SATB2: variants seen among roughly 807,000 people sequenced by gnomAD.
The protein encoded by SATB2 is DNA-binding protein SATB2.
SATB2 carries 1 observed loss-of-function variant against 73.4 expected under a neutral mutation model. The observed-to-expected ratio is 0.01, with a 90% CI of 0.00 to 0.06. The LOEUF (loss-of-function observed/expected upper bound fraction) is 0.06. SATB2 is among the 10% of genes least tolerant of loss of function. SATB2 has a pLI of 1.00. For synonymous variants in SATB2, 397 were observed against 367.0 expected (o/e 1.08, Z -0.93); for missense variants, 459 against 945.8 (o/e 0.49, Z 6.75).
chr2:199,293,083 A>T (rs1692920314), intron 10 of SATB2, among the ~76,000 whole-genome samples: 1 of 152,200 alleles, frequency 6.6e-6, no homozygotes, highest in Non-Finnish European at 1.5e-5. Context: ...AGGGTTAAGA[A>T]AAGAGAATAT....
At chr2:199,310,019 A>G (rs1295085831) in intron 9 of SATB2, among the ~76,000 whole-genome samples, 1 of 152,046 alleles carries the variant, frequency 6.6e-6, no homozygotes, top group Non-Finnish European at 1.5e-5. Context: ...CTTTACCCCA[A>G]AAAAGGCAAG....
chr2:199,406,816 G>A (rs1475083602), intron 3 of SATB2, among the ~76,000 whole-genome samples: 1 of 152,034 alleles, frequency 6.6e-6, no homozygotes, highest in Non-Finnish European at 1.5e-5. Flanking sequence ...TCATGTTAGG[G>A]GAGATGATTT....
At chr2:199,378,068 G>A (rs753829018) in intron 5 of SATB2, among the ~76,000 whole-genome samples, 11 of 152,208 alleles carry the variant, frequency 7.2e-5, no homozygotes, top group Admixed American at 5.2e-4. Flanking sequence ...ACGAGGCCCT[G>A]AGAAGTGAAC....
intron 4 of SATB2, 75 bp downstream of exon 4, chr2:199,381,619 T>C: frequency 6.4e-7 from 1 of 1,569,390 alleles, no homozygotes; most frequent in Non-Finnish European, 8.8e-7. Context: ...CAGGACATGC[T>C]GATCTTTGCA....
At chr2:199,458,801 CT>C (rs1262470876), upstream of SATB2, 56 of 354,250 alleles carry the variant, frequency 1.6e-4, no homozygotes, top group African/African-American at 1.2e-3. Context: ...CTCCGAGCAA[CT>C]TTTCCCGGTG....
At chr2:199,288,849 C>T (rs939396401) in intron 10 of SATB2, among the ~76,000 whole-genome samples, 2 of 152,106 alleles carry the variant, frequency 1.3e-5, no homozygotes, top group Non-Finnish European at 2.9e-5. Context: ...TAAACAAAGT[C>T]AAATGATCAA....
chr2:199,466,170 G>A (rs1026481713), upstream of SATB2, among the ~76,000 whole-genome samples: 2 of 152,178 alleles, frequency 1.3e-5, no homozygotes, highest in South Asian at 2.1e-4. Context: ...CACATTCCAA[G>A]TGAAGGACGT....
chr2:199,317,056 T>C (rs776010449), intron 9 of SATB2, among the ~76,000 whole-genome samples: 1 of 139,078 alleles, frequency 7.2e-6, no homozygotes, highest in Non-Finnish European at 1.5e-5. Context: ...GTGGCAGGGG[T>C]GGGGCGGTAT....
intron 7 of SATB2, 124 bp downstream of exon 7, chr2:199,348,577 T>C (rs1248495023): frequency 1.3e-6 from 1 of 779,304 alleles, no homozygotes; most frequent in South Asian, 1.5e-5. Context: ...CTAAGGATTA[T>C]TAATTAATCT....
intron 3 of SATB2, among the ~76,000 whole-genome samples, chr2:199,385,969 A>G (rs1318492106): frequency 1.3e-5 from 2 of 152,198 alleles, no homozygotes; most frequent in Admixed American, 6.5e-5. Flanking sequence ...GAGACTTTAC[A>G]TGAAAAGGAG....
At chr2:199,380,667 A>C (rs561458749) in intron 4 of SATB2, among the ~76,000 whole-genome samples, 180 bp from the exon 5 acceptor site, 2 of 152,320 alleles carry the variant, frequency 1.3e-5, no homozygotes, top group Admixed American at 1.3e-4. Flanking sequence ...CGAGGGCCCA[A>C]GGGGTCTCTT....
At chr2:199,328,951 C>G in intron 7 of SATB2, 41 bp from the exon 8 acceptor site, 1 of 1,499,132 alleles carries the variant, frequency 6.7e-7, no homozygotes, top group Non-Finnish European at 9.3e-7. Flanking sequence ...GTCACATTTG[C>G]AGGTATATGT....
intron 3 of SATB2, among the ~76,000 whole-genome samples, chr2:199,422,379 A>C (rs868045362): frequency 1.3e-5 from 2 of 151,974 alleles, no homozygotes; most frequent in South Asian, 2.1e-4. Context: ...GTTTATAAGG[A>C]GCTTATATAT....
intron 6 of SATB2, among the ~76,000 whole-genome samples, chr2:199,355,496 T>C (rs1688955903): frequency 2.0e-5 from 3 of 151,938 alleles, no homozygotes; most frequent in South Asian, 2.1e-4. Flanking sequence ...CCCCAAAGTA[T>C]AGTTTCTGAA....
At chr2:199,444,673 G>A (rs2105942614) in intron 2 of SATB2, among the ~76,000 whole-genome samples, 1 of 152,202 alleles carries the variant, frequency 6.6e-6, no homozygotes, top group East Asian at 1.9e-4. Context: ...ATTGAAGGAG[G>A]AAAGAATTTC....
intron 10 of SATB2, among the ~76,000 whole-genome samples, chr2:199,307,742 G>C (rs1687475657): frequency 6.6e-6 from 1 of 152,172 alleles, no homozygotes; most frequent in African/African-American, 2.4e-5. Flanking sequence ...TCCCAAACAT[G>C]TGAGGGGGGA....
At chr2:199,343,113 TACACAC>T (rs60947005) in intron 7 of SATB2, among the ~76,000 whole-genome samples, 40,876 of 151,036 alleles carry the variant, frequency 0.27, 6,218 homozygotes, top group South Asian at 0.5. Flanking sequence ...TTTTATTTTA[TACACAC>T]ACACACACAC....
intron 8 of SATB2, among the ~76,000 whole-genome samples, chr2:199,326,484 G>A (rs1196690129): frequency 6.6e-6 from 1 of 152,184 alleles, no homozygotes; most frequent in Non-Finnish European, 1.5e-5. Flanking sequence ...GGCACTGAAA[G>A]CTATTAGGTC....
chr2:199,305,872 A>T (rs141689525), intron 10 of SATB2, among the ~76,000 whole-genome samples: 15 of 152,330 alleles, frequency 9.8e-5, no homozygotes, highest in African/African-American at 3.6e-4. Context: ...TTCCATGACC[A>T]CAAGTGAAGA....
Sources: gnomAD v4.1 joint callset for allele counts (sites outside exome capture counted in the v4.1 genomes callset) on GRCh38, gnomAD v4.1.1 for gene constraint, MANE v1.5 for transcripts, NCBI Gene and HGNC (gene_info 2026-07-23, HGNC 2026-07-21) for gene names.